UTRN: variants seen among roughly 807,000 people sequenced by gnomAD.
The protein encoded by UTRN is dystrophin-related protein 1.
UTRN carries 283 observed loss-of-function variants against 463.9 expected under a neutral mutation model. That is an observed-to-expected ratio of 0.61 (90% confidence interval 0.55 to 0.67). UTRN has a LOEUF of 0.67. UTRN is among the 30% of genes least tolerant of loss of function. The pLI, the probability that UTRN is intolerant of heterozygous loss-of-function variation, is 0.00. For synonymous variants in UTRN, 1,442 were observed against 1,431.5 expected (o/e 1.01, Z -0.17); for missense variants, 3,922 against 4,084.3 (o/e 0.96, Z 1.08).
chr6:144,495,307 T>C lies in UTRN; in HGVS notation c.4593+1851T>C, dbSNP rs542881193. 9.0e-4 allele frequency among the ~76,000 whole-genome samples: 137 copies of C among 152,360 alleles called. 1 individual carries two copies. The highest frequency in any genetic ancestry group is 3.1e-3 in the African/African-American group (130 of 41,586). On this transcript the variant is annotated intron_variant, in intron 33 of 74. Coordinates refer to ENST00000367545, the MANE Select transcript of UTRN (RefSeq NM_007124.3). ...GAGCCCTGCCCCGCAGGAAGGCAGCTAAGGCCCGGTGAGAAATTGAGCGCA... is the reference window on the plus strand; with the variant it reads ...GAGCCCTGCCCCGCAGGAAGGCAGCCAAGGCCCGGTGAGAAATTGAGCGCA...
At chr6:144,508,112 C>T (rs889186899) in intron 34 of UTRN, among the ~76,000 whole-genome samples, 4 of 152,122 alleles carry the variant, frequency 2.6e-5, no homozygotes, top group Admixed American at 6.5e-5. Flanking sequence ...CATTCCAGGT[C>T]GACTTCAGAC....
At chr6:144,827,949 G>T (rs1388945864) in intron 68 of UTRN, among the ~76,000 whole-genome samples, 2 of 152,080 alleles carry the variant, frequency 1.3e-5, no homozygotes, top group East Asian at 1.9e-4. Context: ...GGATTTAGAT[G>T]GTGTAACCAA....
At chr6:144,331,674 C>T (rs1776341747) in intron 2 of UTRN, among the ~76,000 whole-genome samples, 1 of 152,200 alleles carries the variant, frequency 6.6e-6, no homozygotes, top group Non-Finnish European at 1.5e-5. Flanking sequence ...CAAGCAAGAT[C>T]TCTGCTTGCA....
intron 51 of UTRN, among the ~76,000 whole-genome samples, chr6:144,593,205 C>T (rs1440844488): frequency 6.6e-6 from 1 of 152,062 alleles, no homozygotes; most frequent in Admixed American, 6.6e-5. Flanking sequence ...GAACAAAATG[C>T]ACAAACAAAG....
At chr6:144,317,293 C>T (rs1775341503) in intron 2 of UTRN, among the ~76,000 whole-genome samples, 1 of 152,088 alleles carries the variant, frequency 6.6e-6, no homozygotes. Flanking sequence ...TATTGTAAAC[C>T]AGTTACAGTA....
chr6:144,801,729 A>C (rs957288849), intron 64 of UTRN, among the ~76,000 whole-genome samples: 4 of 152,182 alleles, frequency 2.6e-5, no homozygotes, highest in African/African-American at 4.8e-5. Flanking sequence ...TCTTTCTTGT[A>C]AACAGAGTGA....
chr6:144,493,509 C>A (rs1411823845), intron 33 of UTRN, 53 bp downstream of exon 33: 3 of 1,489,486 alleles, frequency 2.0e-6, no homozygotes, highest in Non-Finnish European at 2.7e-6. Context: ...CTCTCTCTCT[C>A]AATCTCTCTC....
At chr6:144,674,156 G>A (rs1257198074) in intron 51 of UTRN, among the ~76,000 whole-genome samples, 2 of 151,324 alleles carry the variant, frequency 1.3e-5, no homozygotes, top group African/African-American at 4.8e-5. Context: ...TTTCCAAGGT[G>A]TTCTTTCAGC....
intron 2 of UTRN, among the ~76,000 whole-genome samples, chr6:144,353,240 G>A (rs962083339): frequency 2.0e-4 from 30 of 151,758 alleles, no homozygotes; most frequent in Non-Finnish European, 2.2e-4. Context: ...TCAGCCTCCC[G>A]AGTAGCTGGG....
intron 43 of UTRN, among the ~76,000 whole-genome samples, chr6:144,533,669 A>G (rs908758186): frequency 6.6e-6 from 1 of 151,790 alleles, no homozygotes; most frequent in South Asian, 2.1e-4. Flanking sequence ...TTTGGTGTCA[A>G]ATGTTGTGTT....
At chr6:144,702,094 G>A (rs1375687584) in intron 53 of UTRN, among the ~76,000 whole-genome samples, 1 of 152,162 alleles carries the variant, frequency 6.6e-6, no homozygotes, top group Non-Finnish European at 1.5e-5. Context: ...ATAACACAAA[G>A]CTCTTCTAAT....
At chr6:144,410,858 C>T (rs1043466868) in intron 3 of UTRN, among the ~76,000 whole-genome samples, 4 of 151,654 alleles carry the variant, frequency 2.6e-5, no homozygotes, top group Admixed American at 6.6e-5. Context: ...ACTCATTGAT[C>T]GATGGGCATT....
At chr6:144,431,713 A>T (rs1298337931) in intron 9 of UTRN, among the ~76,000 whole-genome samples, 1 of 152,176 alleles carries the variant, frequency 6.6e-6, no homozygotes, top group Non-Finnish European at 1.5e-5. Context: ...GGTTCTTAGA[A>T]ATTCTCATTA....
chr6:144,370,149 A>G (rs1393791148), intron 2 of UTRN, among the ~76,000 whole-genome samples: 1 of 152,200 alleles, frequency 6.6e-6, no homozygotes, highest in Non-Finnish European at 1.5e-5. Context: ...TCCCAGGAAG[A>G]TGTTAATCCC....
chr6:144,662,003 TTATC>T (rs893024950), intron 51 of UTRN, among the ~76,000 whole-genome samples: 2 of 146,124 alleles, frequency 1.4e-5, no homozygotes, highest in African/African-American at 2.5e-5. Context: ...ATTATTATTA[TTATC>T]TATTTATTTA....
intron 50 of UTRN, among the ~76,000 whole-genome samples, chr6:144,562,604 T>C (rs1015489597): frequency 2.0e-5 from 3 of 152,188 alleles, no homozygotes; most frequent in Non-Finnish European, 2.9e-5. Flanking sequence ...CAGTCCATCA[T>C]TGATAGGTAT....
At chr6:144,582,940 CAG>C (rs1432652446) in intron 51 of UTRN, among the ~76,000 whole-genome samples, 1 of 152,082 alleles carries the variant, frequency 6.6e-6, no homozygotes. Context: ...AGATTTATAA[CAG>C]GGTCTCCTGT....
intron 2 of UTRN, among the ~76,000 whole-genome samples, chr6:144,373,105 T>G (rs1358586554): frequency 6.6e-6 from 1 of 152,238 alleles, no homozygotes; most frequent in Non-Finnish European, 1.5e-5. Flanking sequence ...GAAAATATTT[T>G]GGCAGTTCTA....
intron 74 of UTRN, among the ~76,000 whole-genome samples, chr6:144,849,668 A>AT (rs1006906919): frequency 6.6e-6 from 1 of 151,790 alleles, no homozygotes; most frequent in African/African-American, 2.4e-5. Flanking sequence ...AAAAGTATAT[A>AT]TTTTCACCTG....
Sources: allele counts gnomAD v4.1 joint callset (sites outside exome capture counted in the v4.1 genomes callset), GRCh38; gene constraint gnomAD v4.1.1; transcripts MANE v1.5; gene names NCBI Gene and HGNC (gene_info 2026-07-23, HGNC 2026-07-21).